DGKZ: variants seen among roughly 807,000 people sequenced by gnomAD.
DGKZ encodes the protein diacylglycerol kinase zeta, also known as DAG kinase zeta.
Under a neutral mutation model 142.5 loss-of-function variants are expected in DGKZ, and 45 were observed. The ratio of observed to expected loss-of-function variants is 0.32; its 90% CI spans 0.25 to 0.40. The LOEUF is 0.40. Among genes scored for constraint, DGKZ ranks in the 10% least tolerant of loss-of-function variants. DGKZ has a pLI of 1.00. For missense variants in DGKZ, 755 were observed against 1,306.5 expected (o/e 0.58, Z 6.51); for synonymous variants, 442 against 527.0 (o/e 0.84, Z 2.21).
intron 1 of DGKZ, chr11:46,364,465 A>T (rs1943038547): frequency 1.6e-6 from 2 of 1,270,276 alleles, no homozygotes; most frequent in South Asian, 2.6e-5. Context: ...CCTCCGGCCC[A>T]GGTGGTCTGC....
chr11:46,355,355 G>A (rs868740420), intron 1 of DGKZ, among the ~76,000 whole-genome samples: 10 of 152,100 alleles, frequency 6.6e-5, no homozygotes, highest in Non-Finnish European at 1.2e-4. Context: ...TGATCCGCCC[G>A]CCTCAGCCTC....
At chr11:46,378,603 ATCTG>A (rs768806617) in intron 27 of DGKZ, 103 bp downstream of exon 27, 69 of 1,478,622 alleles carry the variant, frequency 4.7e-5, no homozygotes, top group Middle Eastern at 1.7e-4. Flanking sequence ...AGGTGCTGTC[ATCTG>A]TCATCGTCTG....
intron 1 of DGKZ, among the ~76,000 whole-genome samples, chr11:46,352,802 C>T (rs1340525450): frequency 6.6e-6 from 1 of 152,282 alleles, no homozygotes; most frequent in Non-Finnish European, 1.5e-5. Context: ...CCTTGCTCTT[C>T]TTGGCTCTCC....
At chr11:46,362,005 GTC>G (rs1238975556) in intron 1 of DGKZ, 1 of 152,332 alleles carries the variant, frequency 6.6e-6, no homozygotes, top group African/African-American at 2.4e-5. Context: ...CCTGTGGTGA[GTC>G]TCAGCCTGGG....
At chr11:46,336,781 T>C (rs962028556) in intron 1 of DGKZ, among the ~76,000 whole-genome samples, 2 of 152,164 alleles carry the variant, frequency 1.3e-5, no homozygotes, top group Non-Finnish European at 2.9e-5. Context: ...CTCGAACTCC[T>C]GGGCTCAAGC....
At chr11:46,337,588 G>C (rs111512250) in intron 1 of DGKZ, among the ~76,000 whole-genome samples, 1 of 151,998 alleles carries the variant, frequency 6.6e-6, no homozygotes, top group Non-Finnish European at 1.5e-5. Context: ...AAGCCACCGC[G>C]CCCAGCCTTA....
chr11:46,379,675 G>C, intron 30 of DGKZ, 107 bp downstream of exon 30: 6 of 1,307,160 alleles, frequency 4.6e-6, no homozygotes, highest in Non-Finnish European at 6.2e-6. Context: ...ACACAGTCCA[G>C]ACCCTGGGAA....
chr11:46,335,912 G>T (rs1939990689), intron 1 of DGKZ, among the ~76,000 whole-genome samples: 1 of 152,246 alleles, frequency 6.6e-6, no homozygotes. Flanking sequence ...GGGACCGGGG[G>T]CTGGCAGGAG....
At chr11:46,363,862 C>T (rs1942963353) in intron 1 of DGKZ, among the ~76,000 whole-genome samples, 1 of 152,182 alleles carries the variant, frequency 6.6e-6, no homozygotes, top group African/African-American at 2.4e-5. Flanking sequence ...CTCCTCTTCC[C>T]CTGACACAAA....
rs761236890 is a variant in DGKZ, at chr11:46,367,623, T to A, written c.271-29T>A. On this transcript the variant is annotated intron_variant, in intron 2 of 30. Coordinates refer to ENST00000527911, the Ensembl canonical transcript of DGKZ. The surrounding 1 kb of genome is among the most constrained non-coding windows in gnomAD (Gnocchi z 4.1). The stretch of plus-strand genomic sequence containing the variant: ...GGGAGGGAGGGCTGGGCGGCCAGCG[T>A]GTGCTGAGCAAGCCCATCCCGTGGC... 4.5e-6 allele frequency: 7 copies of A among 1,571,532 alleles called. No homozygotes were observed. Among genetic ancestry groups the A allele is most frequent in the Non-Finnish European group, 6.1e-6 (7 of 1,155,256 alleles).
At chr11:46,345,510 C>G (rs546896437), upstream of DGKZ, 42 of 1,518,146 alleles carry the variant, frequency 2.8e-5, no homozygotes, top group Non-Finnish European at 3.4e-5. This position sits in a 1 kb window ranked among gnomAD's most constrained non-coding sequence, Gnocchi z 4.1. Context: ...GGGGAGCGGC[C>G]GGGGTCACTG....
At chr11:46,333,458 G>A in exon 1 of DGKZ, 7 of 1,538,472 alleles carry the variant, frequency 4.5e-6, no homozygotes, top group Non-Finnish European at 6.1e-6. Context: ...GTTTCCGCCA[G>A]CTGCACCTAC....
chr11:46,353,149 T>C (rs1305850320), intron 1 of DGKZ, among the ~76,000 whole-genome samples: 1 of 152,186 alleles, frequency 6.6e-6, no homozygotes, highest in African/African-American at 2.4e-5. Flanking sequence ...TCATGTGATC[T>C]TCATAACATC....
chr11:46,338,228 G>T (rs1278934093), intron 1 of DGKZ, among the ~76,000 whole-genome samples: 1 of 152,144 alleles, frequency 6.6e-6, no homozygotes, highest in Non-Finnish European at 1.5e-5. Context: ...CGGGCGTGGT[G>T]GCTCACGCCT....
At chr11:46,334,898 T>C (rs1332361122) in intron 1 of DGKZ, among the ~76,000 whole-genome samples, 2 of 152,204 alleles carry the variant, frequency 1.3e-5, no homozygotes, top group African/African-American at 2.4e-5. Flanking sequence ...GTTTCTACTC[T>C]CAATTCTGCC....
chr11:46,376,060 C>G lies in DGKZ; in HGVS notation c.2012-6C>G. The G allele has an allele frequency of 1.9e-6, 3 of 1,612,196 alleles. No individual in the cohort carries two copies. The highest frequency in any genetic ancestry group is 1.1e-5 in the South Asian group (1 of 91,044). On this transcript the variant is annotated splice_region_variant and splice_polypyrimidine_tract_variant and intron_variant, in intron 21 of 30. Transcript: ENST00000527911. Reference sequence around the variant, plus strand: ...GCCAGCTGCTGACAGGTGCTCTGTTCTCCAGCTGTGCCGCTGGGCACTGTG... The same window carrying G: ...GCCAGCTGCTGACAGGTGCTCTGTTGTCCAGCTGTGCCGCTGGGCACTGTG...
upstream of DGKZ, among the ~76,000 whole-genome samples, chr11:46,347,000 C>T (rs563058009): frequency 6.6e-6 from 1 of 152,110 alleles, no homozygotes; most frequent in Non-Finnish European, 1.5e-5. Context: ...GTTTGTTCTG[C>T]GTGCATGGGG....
intron 1 of DGKZ, among the ~76,000 whole-genome samples, chr11:46,354,914 A>T (rs1941826556): frequency 6.6e-6 from 1 of 152,186 alleles, no homozygotes; most frequent in Non-Finnish European, 1.5e-5. Context: ...CCATTGTGTA[A>T]CAGCAGCTTA....
At chr11:46,374,744 C>T (rs372912481) in intron 17 of DGKZ, 22 bp from the exon 18 acceptor site, 25 of 1,612,406 alleles carry the variant, frequency 1.6e-5, no homozygotes, top group Non-Finnish European at 2.0e-5. Flanking sequence ...TGCACCTCAA[C>T]ACCCTCCCCG....
Sources: allele counts gnomAD v4.1 joint callset (sites outside exome capture counted in the v4.1 genomes callset), GRCh38; gene constraint gnomAD v4.1.1; non-coding constraint Gnocchi (gnomAD v3.1); transcripts MANE v1.5; gene names NCBI Gene and HGNC (gene_info 2026-07-23, HGNC 2026-07-21).